The following TXLNB variants were observed in gnomAD, a reference collection of about 807,000 sequenced individuals.
TXLNB encodes the protein beta-taxilin.
TXLNB carries 37 observed loss-of-function variants against 57.4 expected under a neutral mutation model. The ratio of observed to expected loss-of-function variants is 0.64; its 90% confidence interval spans 0.50 to 0.85. The LOEUF (loss-of-function observed/expected upper bound fraction) is 0.85, where lower values mean the gene tolerates loss of function less well. Ranked by LOEUF, TXLNB falls within the 40% of genes least tolerant of loss-of-function variation. TXLNB has a pLI of 0.00. For missense variants in TXLNB, 848 were observed against 825.6 expected (o/e 1.03, Z -0.33); for synonymous variants, 302 against 309.6 (o/e 0.98, Z 0.26).
intron 6 of TXLNB, among the ~76,000 whole-genome samples, chr6:139,256,564 G>A (rs1776346483): frequency 6.6e-6 from 1 of 152,222 alleles, no homozygotes; most frequent in African/African-American, 2.4e-5. Flanking sequence ...TCCTGACCTC[G>A]TGATCTGCCC....
At chr6:139,315,072 G>T in the TXLNB span, among the ~76,000 whole-genome samples, 1 of 152,082 alleles carries the variant, frequency 6.6e-6, no homozygotes, top group African/African-American at 2.4e-5. Context: ...GAGATATTTT[G>T]CAGGCCCTGA....
the TXLNB span, among the ~76,000 whole-genome samples, chr6:139,233,559 G>T: frequency 6.6e-6 from 1 of 151,870 alleles, no homozygotes; most frequent in East Asian, 1.9e-4. Context: ...AGATCTGATG[G>T]TTTTTTAAGT....
the TXLNB span, among the ~76,000 whole-genome samples, chr6:139,183,856 G>C: frequency 6.8e-6 from 1 of 146,930 alleles, no homozygotes; most frequent in African/African-American, 2.7e-5. Context: ...TCAGAGTTTG[G>C]GTTTAAGAGT....
chr6:139,255,731 T>C, intron 6 of TXLNB, 93 bp from the exon 7 acceptor site: 1 of 897,840 alleles, frequency 1.1e-6, no homozygotes, highest in Non-Finnish European at 1.8e-6. Flanking sequence ...AGCAACCTGC[T>C]CATTAACCTC....
At chr6:139,286,914 A>C (rs1257954476) in intron 2 of TXLNB, 1 of 159,686 alleles carries the variant, frequency 6.3e-6, no homozygotes, top group Non-Finnish European at 1.4e-5. Flanking sequence ...TGAGTTGTAT[A>C]ATCATTTCAT....
At chr6:139,264,255 T>A (rs2114528360) in intron 4 of TXLNB, among the ~76,000 whole-genome samples, 1 of 152,352 alleles carries the variant, frequency 6.6e-6, no homozygotes, top group African/African-American at 2.4e-5. Context: ...AGCAACTAAA[T>A]ATATGTGTGA....
chr6:139,262,029 G>T (rs896433680), intron 5 of TXLNB, among the ~76,000 whole-genome samples: 1 of 150,202 alleles, frequency 6.7e-6, no homozygotes, highest in Non-Finnish European at 1.5e-5. Flanking sequence ...TCAGCCTCTC[G>T]AGTAGCTGGG....
At chr6:139,198,636 A>G in the TXLNB span, among the ~76,000 whole-genome samples, 5 of 152,184 alleles carry the variant, frequency 3.3e-5, no homozygotes, top group Admixed American at 3.3e-4. Context: ...GTTTTGGCCA[A>G]TTGAGGTGCA....
the TXLNB span, among the ~76,000 whole-genome samples, chr6:139,221,890 A>G: frequency 6.6e-6 from 1 of 152,164 alleles, no homozygotes; most frequent in Non-Finnish European, 1.5e-5. Context: ...GCAAAATAAT[A>G]TTTTTCATTA....
chr6:139,167,130 A>G, the TXLNB span: 1 of 1,614,170 alleles, frequency 6.2e-7, no homozygotes, highest in Non-Finnish European at 8.5e-7. Flanking sequence ...GACGATGCCC[A>G]AGTGGGCCAG....
At chr6:139,167,434 C>A in the TXLNB span, 3 of 909,154 alleles carry the variant, frequency 3.3e-6, no homozygotes, top group Admixed American at 8.3e-5. Context: ...TTTTTTTGTT[C>A]TAGTCAGGTG....
At chr6:139,251,746 T>G (rs1219543486) in intron 7 of TXLNB, 1 of 152,244 alleles carries the variant, frequency 6.6e-6, no homozygotes, top group African/African-American at 2.4e-5. Context: ...CACCAAATTT[T>G]AATTACAGAC....
the TXLNB span, among the ~76,000 whole-genome samples, chr6:139,198,743 A>G: frequency 6.6e-6 from 1 of 152,130 alleles, no homozygotes; most frequent in Non-Finnish European, 1.5e-5. Flanking sequence ...CTCTATGGCC[A>G]TAGCACCTGC....
At chr6:139,182,903 C>T in the TXLNB span, 2 of 152,142 alleles carry the variant, frequency 1.3e-5, no homozygotes, top group African/African-American at 2.4e-5. Flanking sequence ...AATTGGCTAC[C>T]GTAGCACCAT....
At chr6:139,301,244 A>G in the TXLNB span, among the ~76,000 whole-genome samples, 1 of 152,116 alleles carries the variant, frequency 6.6e-6, no homozygotes, top group South Asian at 2.1e-4. Context: ...TCTCATATAT[A>G]CCCAAGAGAG....
chr6:139,299,784 A>G, the TXLNB span, among the ~76,000 whole-genome samples: 5 of 152,120 alleles, frequency 3.3e-5, no homozygotes, highest in African/African-American at 9.7e-5. Flanking sequence ...GGTCCTGTCT[A>G]GAGCCACCCT....
chr6:139,263,616 A>T (rs1336648978), intron 4 of TXLNB, among the ~76,000 whole-genome samples: 1 of 152,186 alleles, frequency 6.6e-6, no homozygotes, highest in East Asian at 1.9e-4. Context: ...CTCTCCATTC[A>T]TTGCTAGCCA....
At chr6:139,260,967 C>G (rs900948494) in intron 5 of TXLNB, among the ~76,000 whole-genome samples, 4 of 152,242 alleles carry the variant, frequency 2.6e-5, no homozygotes, top group African/African-American at 9.6e-5. Context: ...GAGGCCTGAG[C>G]CCCCCTGAAT....
At chr6:139,207,813 C>T in the TXLNB span, among the ~76,000 whole-genome samples, 9 of 152,236 alleles carry the variant, frequency 5.9e-5, no homozygotes, top group East Asian at 1.9e-4. Flanking sequence ...CGGTGGCTCA[C>T]GCTTGTAATC....
Sources: gnomAD v4.1 joint callset for allele counts (sites outside exome capture counted in the v4.1 genomes callset) on GRCh38, gnomAD v4.1.1 for gene constraint, MANE v1.5 for transcripts, NCBI Gene and HGNC (gene_info 2026-07-23, HGNC 2026-07-21) for gene names.